The following ZNF98 variants were observed in gnomAD, a reference collection of about 807,000 sequenced individuals.
ZNF98 encodes zinc finger protein 98.
In ZNF98, 8 loss-of-function variants were observed where a neutral mutation model predicts 12.8. The ratio of observed to expected loss-of-function variants is 0.63; its 90% CI spans 0.37 to 1.13. ZNF98 has a LOEUF of 1.13. Among genes scored for constraint, ZNF98 ranks in the 50% most tolerant of loss-of-function variants. ZNF98 has a pLI of 0.01. For missense variants in ZNF98, 379 were observed against 666.1 expected (o/e 0.57, Z 4.74); for synonymous variants, 112 against 223.5 (o/e 0.50, Z 4.45).
rs1468413296 is a variant in ZNF98, at chr19:22,391,147, TG to T, written c.*368del. 1 of 219,986 alleles carries T rather than the reference TG, an allele frequency of 4.5e-6. No homozygotes were observed. Among genetic ancestry groups the T allele is most frequent in the East Asian group, 1.2e-4 (1 of 8,426 alleles). 13.6% of individuals were successfully genotyped at this position (219,986 alleles called of 1,614,324 possible). On this transcript the variant is annotated 3_prime_UTR_variant, in exon 4 of 4. Transcript: ENST00000357774. ...TACAGAATGAATACAACAAGATCTG[TG>T]TTACAAGTAAAGTTACCACAACTTC...
At chr19:22,397,407 T>C (rs1263525730) in intron 3 of ZNF98, among the ~76,000 whole-genome samples, 2 of 152,112 alleles carry the variant, frequency 1.3e-5, no homozygotes, top group Non-Finnish European at 2.9e-5. Flanking sequence ...AAGACAATTA[T>C]TTCTAACAGA....
intron 1 of ZNF98, 77 bp downstream of exon 1, chr19:22,422,118 G>A: frequency 6.3e-7 from 1 of 1,583,720 alleles, no homozygotes; most frequent in Non-Finnish European, 8.7e-7. Flanking sequence ...GGAGGCCTGA[G>A]TCCCGCCACA....
intron 1 of ZNF98, among the ~76,000 whole-genome samples, chr19:22,416,472 A>G (rs186026972): frequency 6.6e-6 from 1 of 152,048 alleles, no homozygotes; most frequent in Non-Finnish European, 1.5e-5. Flanking sequence ...CCGTCTCAAC[A>G]ACAACAACAA....
intron 1 of ZNF98, among the ~76,000 whole-genome samples, chr19:22,404,112 C>T (rs56369312): frequency 6.0e-4 from 86 of 143,924 alleles, no homozygotes; most frequent in Middle Eastern, 3.9e-3. Context: ...CCCAGCTACT[C>T]GGGAGGCTGA....
chr19:22,419,950 G>A (rs184401394), intron 1 of ZNF98, among the ~76,000 whole-genome samples: 25 of 152,158 alleles, frequency 1.6e-4, no homozygotes. Context: ...CAGGTCAGGA[G>A]TTCGAGACCA....
At chr19:22,421,195 T>C (rs760497728) in intron 1 of ZNF98, among the ~76,000 whole-genome samples, 20 of 152,148 alleles carry the variant, frequency 1.3e-4, no homozygotes, top group Non-Finnish European at 2.2e-4. Context: ...TCTAATGCTT[T>C]GTCAAAAAAT....
chr19:22,400,201 T>C (rs572683033), intron 3 of ZNF98, among the ~76,000 whole-genome samples: 1 of 152,222 alleles, frequency 6.6e-6, no homozygotes, highest in East Asian at 1.9e-4. Context: ...AGACACCCCT[T>C]TATAGCCACG....
intron 3 of ZNF98, among the ~76,000 whole-genome samples, chr19:22,394,369 A>G (rs1015800947): frequency 5.7e-4 from 86 of 152,194 alleles, no homozygotes; most frequent in African/African-American, 1.9e-3. Flanking sequence ...TCATGCTACT[A>G]TAAGGACACA....
At chr19:22,393,084 T>C in intron 3 of ZNF98, 103 bp from the exon 4 acceptor site, 2 of 1,152,858 alleles carry the variant, frequency 1.7e-6, no homozygotes, top group Non-Finnish European at 2.3e-6. Flanking sequence ...CACAAGATGT[T>C]ACAGCAAAAT....
At chr19:22,407,198 A>AGTAGCATGGGT (rs1969529381) in intron 1 of ZNF98, among the ~76,000 whole-genome samples, 7 of 151,856 alleles carry the variant, frequency 4.6e-5, no homozygotes, top group African/African-American at 1.7e-4. Flanking sequence ...CTGGGATTAC[A>AGTAGCATGGGT]GGCGCGTGCC....
chr19:22,420,785 C>T (rs1367802152), intron 1 of ZNF98, among the ~76,000 whole-genome samples: 1 of 152,142 alleles, frequency 6.6e-6, no homozygotes, highest in African/African-American at 2.4e-5. Flanking sequence ...CACTCCATAA[C>T]GTTTGCAAAA....
chr19:22,413,947 A>G (rs1340237994), intron 1 of ZNF98, among the ~76,000 whole-genome samples: 2 of 151,206 alleles, frequency 1.3e-5, no homozygotes, highest in African/African-American at 4.9e-5. Context: ...GATAGAAAAG[A>G]TCAATATTGG....
intron 1 of ZNF98, among the ~76,000 whole-genome samples, chr19:22,409,827 G>C (rs1435538806): frequency 6.7e-6 from 1 of 150,310 alleles, no homozygotes; most frequent in South Asian, 2.1e-4. Flanking sequence ...CAGAAGAATG[G>C]CTTGAACCCA....
chr19:22,418,453 A>C (rs925776955), intron 1 of ZNF98, among the ~76,000 whole-genome samples: 5 of 152,216 alleles, frequency 3.3e-5, no homozygotes, highest in African/African-American at 1.2e-4. Context: ...AAAATTCTCT[A>C]TCCTTTGTGT....
At chr19:22,419,301 T>C (rs1426007149) in intron 1 of ZNF98, among the ~76,000 whole-genome samples, 2 of 152,202 alleles carry the variant, frequency 1.3e-5, no homozygotes, top group African/African-American at 4.8e-5. Flanking sequence ...TGCCAGTTCT[T>C]TTCCTTCTTA....
intron 1 of ZNF98, among the ~76,000 whole-genome samples, chr19:22,410,977 C>T (rs1969574091): frequency 1.3e-5 from 2 of 152,150 alleles, no homozygotes; most frequent in South Asian, 4.1e-4. Context: ...TCTTTGTTGG[C>T]TTTTTAAAGT....
intron 1 of ZNF98, among the ~76,000 whole-genome samples, chr19:22,413,946 G>C (rs1969609705): frequency 7.0e-6 from 1 of 142,308 alleles, no homozygotes; most frequent in South Asian, 2.3e-4. Context: ...GGATAGAAAA[G>C]ATCAATATTG....
chr19:22,393,192 A>T (rs7248242), intron 3 of ZNF98, among the ~76,000 whole-genome samples: 2 of 151,588 alleles, frequency 1.3e-5, no homozygotes, highest in Non-Finnish European at 2.9e-5. Context: ...AGTGCCCCAG[A>T]TGAGCCCAAT....
intron 3 of ZNF98, among the ~76,000 whole-genome samples, chr19:22,401,453 T>A (rs1213041240): frequency 1.3e-5 from 2 of 151,940 alleles, no homozygotes; most frequent in African/African-American, 4.8e-5. Context: ...AAAAATAAAT[T>A]TAAAAACATT....
Sources: allele counts gnomAD v4.1 joint callset (sites outside exome capture counted in the v4.1 genomes callset), GRCh38; gene constraint gnomAD v4.1.1; transcripts MANE v1.5; gene names NCBI Gene and HGNC (gene_info 2026-07-23, HGNC 2026-07-21).